The following TTLL5 variants were observed in gnomAD, a reference collection of about 807,000 sequenced individuals.
TTLL5 encodes the protein tubulin tyrosine ligase like 5, also known as tubulin polyglutamylase TTLL5.
A neutral mutation model predicts 168.4 loss-of-function variants in TTLL5; 132 were observed. The ratio of observed to expected loss-of-function variants is 0.78; its 90% CI spans 0.68 to 0.91. The LOEUF is 0.91. TTLL5 is among the 40% of genes least tolerant of loss of function. The pLI is 0.00. For synonymous variants in TTLL5, 546 were observed against 558.6 expected, an observed-to-expected ratio of 0.98 and a Z score of 0.32; for missense variants, 1,545 against 1,581.5, an observed-to-expected ratio of 0.98 and a Z score of 0.39.
chr14:75,925,100 ACCTC>A (rs1412818970), intron 31 of TTLL5, among the ~76,000 whole-genome samples: 1 of 121,500 alleles, frequency 8.2e-6, no homozygotes, highest in East Asian at 2.6e-4. Context: ...TGACCCCCCA[ACCTC>A]CCTCCCGGAC....
At chr14:75,759,513 T>G (rs1207900812) in intron 18 of TTLL5, among the ~76,000 whole-genome samples, 1 of 152,094 alleles carries the variant, frequency 6.6e-6, no homozygotes, top group Admixed American at 6.5e-5. Context: ...AAGGGACACT[T>G]CCCAGTTCAT....
At chr14:75,696,611 A>G (rs1340087313) in intron 6 of TTLL5, among the ~76,000 whole-genome samples, 1 of 152,242 alleles carries the variant, frequency 6.6e-6, no homozygotes, top group East Asian at 1.9e-4. Flanking sequence ...CAGGACTTAT[A>G]AATTATATTT....
chr14:75,789,678 A>G (rs1892578029), intron 26 of TTLL5, among the ~76,000 whole-genome samples: 2 of 152,326 alleles, frequency 1.3e-5, no homozygotes, highest in African/African-American at 4.8e-5. Context: ...GAAGTTTTAT[A>G]AGACTACATT....
chr14:75,841,770 T>G (rs1458676681), intron 28 of TTLL5, among the ~76,000 whole-genome samples: 1 of 152,182 alleles, frequency 6.6e-6, no homozygotes, highest in Non-Finnish European at 1.5e-5. Flanking sequence ...GGTACACACA[T>G]GTAGCCACAT....
chr14:75,940,601 A>G (rs1445229034), intron 31 of TTLL5, among the ~76,000 whole-genome samples: 1 of 152,230 alleles, frequency 6.6e-6, no homozygotes, highest in Admixed American at 6.5e-5. Flanking sequence ...TTAAATTTTC[A>G]TAACAGGGTG....
intron 31 of TTLL5, among the ~76,000 whole-genome samples, chr14:75,918,302 C>T (rs117940408): frequency 1.1e-3 from 165 of 152,242 alleles, no homozygotes; most frequent in Non-Finnish European, 1.9e-3. Context: ...GATCTGGGCT[C>T]TTTTATTGAG....
In TTLL5 at chr14:75,791,105, C is replaced by CAAAAAAAA. The variant is rs372035829; in HGVS notation, c.2987-1799_2987-1792dup. Among the ~76,000 whole-genome samples, 23 of 77,270 alleles carry CAAAAAAAA rather than the reference C, an allele frequency of 3.0e-4. 2 individuals carry two copies. The highest frequency in any genetic ancestry group is 1.3e-3 in the African/African-American group (17 of 13,152). 50.7% of individuals were successfully genotyped at this position (77,270 alleles called of 152,430 possible). ...TGGGTGACAGAGCAAGACTCTGTCT[C>CAAAAAAAA]AAAAAAAAAAAAAAAAAAATACCAC... is the stretch of plus-strand genomic sequence containing the variant. On this transcript the variant is annotated intron_variant, in intron 26 of 31. Coordinates refer to ENST00000298832, the MANE Select transcript of TTLL5 (RefSeq NM_015072.5).
chr14:75,831,463 G>C (rs1895558754), intron 28 of TTLL5, among the ~76,000 whole-genome samples: 1 of 152,144 alleles, frequency 6.6e-6, no homozygotes. Context: ...TGTGTCCATG[G>C]CTAGATGTTG....
intron 18 of TTLL5, among the ~76,000 whole-genome samples, chr14:75,761,107 T>C (rs1464825015): frequency 6.6e-6 from 1 of 152,068 alleles, no homozygotes. Context: ...GGAAGATATA[T>C]GAGTAGCCAA....
rs562863723 is a variant in TTLL5 at position 75,772,204 on chromosome 14, C to T, written c.2136+350C>T. On this transcript the variant is annotated intron_variant, in intron 21 of 31. Transcript: ENST00000298832. ...AATTTACAGTCTTTTCTCAAGCAAC[C>T]TCACATTATTAACTCTGAGGTAGGC... 3.3e-5 allele frequency among the ~76,000 whole-genome samples: 5 copies of T among 152,262 alleles called. No homozygotes were observed. In the South Asian group the frequency reaches 6.2e-4, roughly 19 times the overall value.
chr14:75,711,944 C>T (rs568371440), intron 9 of TTLL5: 2 of 152,466 alleles, frequency 1.3e-5, no homozygotes, highest in South Asian at 4.1e-4. Context: ...TCTGCCACAG[C>T]AGCAAGTAGG....
chr14:75,795,446 T>C (rs902956245), intron 27 of TTLL5, among the ~76,000 whole-genome samples: 1 of 152,034 alleles, frequency 6.6e-6, no homozygotes, highest in Admixed American at 6.6e-5. Context: ...TTTCAGTAGG[T>C]TTTTGGGGGA....
At chr14:75,737,657 C>T (rs1460558321) in intron 15 of TTLL5, 2 of 1,508,292 alleles carry the variant, frequency 1.3e-6, no homozygotes, top group Non-Finnish European at 1.8e-6. Flanking sequence ...TTTCATTCTC[C>T]AAATGGAAAG....
chr14:75,779,819 A>G (rs1891939596), intron 24 of TTLL5, 117 bp downstream of exon 24: 1 of 1,054,678 alleles, frequency 9.5e-7, no homozygotes, highest in African/African-American at 1.7e-5. Context: ...AGGTAATGAG[A>G]CTTTGCAGCT....
chr14:75,855,983 G>A (rs1416893518), intron 28 of TTLL5, among the ~76,000 whole-genome samples: 1 of 152,198 alleles, frequency 6.6e-6, no homozygotes, highest in African/African-American at 2.4e-5. Flanking sequence ...AGGCCCAGAT[G>A]ATAGAATTAA....
chr14:75,743,550 T>A (rs958433488), intron 15 of TTLL5, among the ~76,000 whole-genome samples: 7 of 147,936 alleles, frequency 4.7e-5, no homozygotes, highest in Non-Finnish European at 1.0e-4. Context: ...GGAGAGAGAG[T>A]GAGATCAAAC....
chr14:75,772,400 C>A (rs1359296966), intron 21 of TTLL5, among the ~76,000 whole-genome samples: 1 of 152,180 alleles, frequency 6.6e-6, no homozygotes, highest in African/African-American at 2.4e-5. Context: ...CAAATTAGCT[C>A]TTTGAAAGTC....
intron 27 of TTLL5, among the ~76,000 whole-genome samples, chr14:75,808,220 A>G (rs890190680): frequency 1.7e-4 from 26 of 152,192 alleles, no homozygotes; most frequent in African/African-American, 3.1e-4. Context: ...CTAAATGTCT[A>G]TATATATACG....
intron 28 of TTLL5, among the ~76,000 whole-genome samples, chr14:75,842,196 C>T (rs951478687): frequency 2.0e-5 from 3 of 152,180 alleles, no homozygotes; most frequent in African/African-American, 7.2e-5. Context: ...AAAAGCCTAT[C>T]CCAGTATATC....
Sources: allele counts gnomAD v4.1 joint callset (sites outside exome capture counted in the v4.1 genomes callset), GRCh38; gene constraint gnomAD v4.1.1; transcripts MANE v1.5; gene names NCBI Gene and HGNC (gene_info 2026-07-23, HGNC 2026-07-21).